The following PRKAR2B variants were observed in gnomAD, a reference collection of about 807,000 sequenced individuals.
PRKAR2B encodes the protein protein kinase cAMP-dependent type II regulatory subunit beta.
Under a neutral mutation model 49.9 loss-of-function variants are expected in PRKAR2B, and 14 were observed. The observed-to-expected ratio is 0.28, with a 90% CI of 0.19 to 0.44. PRKAR2B has a LOEUF of 0.44. Among genes scored for constraint, PRKAR2B ranks in the 20% least tolerant of loss-of-function variants. The pLI is 1.00. For missense variants in PRKAR2B, 393 were observed against 537.9 expected, an observed-to-expected ratio of 0.73 and a Z score of 2.67; for synonymous variants, 196 against 197.7, an observed-to-expected ratio of 0.99 and a Z score of 0.07.
At chr7:107,060,910 T>C (rs1030406783) in intron 1 of PRKAR2B, among the ~76,000 whole-genome samples, 3 of 152,196 alleles carry the variant, frequency 2.0e-5, no homozygotes, top group African/African-American at 4.8e-5. Context: ...CTTTAAGGCT[T>C]TAATCTATAA....
intron 2 of PRKAR2B, among the ~76,000 whole-genome samples, chr7:107,100,025 C>A (rs895446092): frequency 1.3e-5 from 2 of 151,836 alleles, no homozygotes; most frequent in Non-Finnish European, 2.9e-5. Context: ...GATATTAATC[C>A]CTTGTCAGAT....
At chr7:107,056,165 A>G (rs1165621001) in intron 1 of PRKAR2B, among the ~76,000 whole-genome samples, 23 of 152,038 alleles carry the variant, frequency 1.5e-4, no homozygotes, top group Admixed American at 1.5e-3. Context: ...GTTCTGTTCC[A>G]TTGGTCTGTA....
chr7:107,153,173 GT>G lies in PRKAR2B; in HGVS notation c.844-3del, dbSNP rs1370013966. 3.1e-6 allele frequency: 5 copies of G among 1,600,554 alleles called. No homozygotes were observed. On this transcript the variant is annotated splice_region_variant and splice_polypyrimidine_tract_variant and intron_variant, in intron 7 of 10. Transcript: ENST00000265717. The stretch of plus-strand genomic sequence containing the variant: ...TATTTAATATTGTTTTTCTTTCTTT[GT>G]AGTTTTCTGAACGCCTGAAAGTAGT...
intron 2 of PRKAR2B, among the ~76,000 whole-genome samples, chr7:107,107,109 G>T (rs1017563449): frequency 6.6e-6 from 1 of 152,164 alleles, no homozygotes; most frequent in Non-Finnish European, 1.5e-5. Context: ...GGCCGAGGTG[G>T]GTGGATCACC....
chr7:107,149,382 C>T (rs1038317623), intron 6 of PRKAR2B, among the ~76,000 whole-genome samples: 13 of 152,076 alleles, frequency 8.5e-5, no homozygotes, highest in Non-Finnish European at 1.8e-4. Flanking sequence ...GCTTAAGCAG[C>T]ATACATTTAT....
chr7:107,103,972 C>T (rs908389638), intron 2 of PRKAR2B, among the ~76,000 whole-genome samples: 1 of 152,202 alleles, frequency 6.6e-6, no homozygotes, highest in African/African-American at 2.4e-5. Flanking sequence ...TGAGCCCAAA[C>T]CTGGGAATCC....
intron 2 of PRKAR2B, among the ~76,000 whole-genome samples, chr7:107,106,618 A>G (rs1795078569): frequency 6.6e-6 from 1 of 152,152 alleles, no homozygotes; most frequent in Non-Finnish European, 1.5e-5. Flanking sequence ...CAAGGGATGC[A>G]GGTTTGATTT....
chr7:107,141,573 T>C (rs1795791172), intron 5 of PRKAR2B, among the ~76,000 whole-genome samples: 1 of 152,060 alleles, frequency 6.6e-6, no homozygotes, highest in Non-Finnish European at 1.5e-5. Flanking sequence ...ACACCTGTAA[T>C]CCCAGCTACT....
chr7:107,127,414 G>A (rs965208354), intron 3 of PRKAR2B, among the ~76,000 whole-genome samples: 10 of 152,358 alleles, frequency 6.6e-5, no homozygotes, highest in Admixed American at 5.9e-4. Flanking sequence ...TTTGGTCCAA[G>A]TCAGTTGAGC....
intron 1 of PRKAR2B, among the ~76,000 whole-genome samples, chr7:107,057,681 A>G (rs1793942291): frequency 1.3e-5 from 2 of 152,168 alleles, no homozygotes; most frequent in South Asian, 2.1e-4. Flanking sequence ...TGAAATGGGA[A>G]TAAAGATAGT....
Position 107,044,882 on chromosome 7 carries a change from C to G in PRKAR2B, c.-26C>G. The G allele has an allele frequency of 6.4e-7, 1 of 1,567,280 alleles. No individual in the cohort carries two copies. The highest frequency in any genetic ancestry group is 8.6e-7 in the Non-Finnish European group (1 of 1,161,208). The stretch of plus-strand genomic sequence containing the variant: ...CCGGGGAGGGGGCGAGGGCGGCGCC[C>G]AGGCGCCTGCCGCCCCGGAGGCAGG... On this transcript the variant is annotated 5_prime_UTR_variant, in exon 1 of 11. Transcript: ENST00000265717.
intron 1 of PRKAR2B, among the ~76,000 whole-genome samples, chr7:107,054,124 C>T (rs954392898): frequency 2.6e-5 from 4 of 151,946 alleles, no homozygotes; most frequent in Non-Finnish European, 5.9e-5. Flanking sequence ...CCGAGGCGGG[C>T]GAATCATGAG....
chr7:107,154,862 T>C (rs536610859), intron 8 of PRKAR2B, among the ~76,000 whole-genome samples: 15 of 152,342 alleles, frequency 9.8e-5, no homozygotes, highest in African/African-American at 3.4e-4. Flanking sequence ...ACTTTTCTTT[T>C]AGAAGTCCTT....
chr7:107,044,956 A>T lies in PRKAR2B; in HGVS notation c.49A>T (p.Thr17Ser). Residue 17 changes from threonine (T) to serine (S), a missense_variant, in exon 1 of 11, where the codon ACG becomes TCG. Coordinates refer to ENST00000265717, the MANE Select transcript of PRKAR2B (RefSeq NM_002736.3). ...AGLTELLQGF[T>S]VEVLRHQPAD... ...ACTGACGGAGCTGCTGCAGGGCTTC[A>T]CGGTGGAGGTGCTGAGGCACCAGCC... 19 of 1,595,960 alleles carry T rather than the reference A, an allele frequency of 1.2e-5. No homozygotes were observed. The highest frequency in any genetic ancestry group is 1.6e-5 in the Non-Finnish European group (19 of 1,173,710).
intron 2 of PRKAR2B, among the ~76,000 whole-genome samples, chr7:107,105,806 A>G (rs943080328): frequency 1.3e-5 from 2 of 152,194 alleles, no homozygotes; most frequent in Admixed American, 1.3e-4. Context: ...TGGGCATTCC[A>G]GACACTGATC....
At chr7:107,141,422 G>A (rs1424798304) in intron 5 of PRKAR2B, among the ~76,000 whole-genome samples, 5 of 152,092 alleles carry the variant, frequency 3.3e-5, no homozygotes, top group African/African-American at 4.8e-5. Context: ...GGAGTGTGGC[G>A]GCTCAGGCCT....
At chr7:107,072,420 T>TGCTAA (rs1175613758) in intron 2 of PRKAR2B, among the ~76,000 whole-genome samples, 1 of 152,160 alleles carries the variant, frequency 6.6e-6, no homozygotes, top group African/African-American at 2.4e-5. Context: ...TCAGGCACTG[T>TGCTAA]GCTAAGCATT....
chr7:107,100,585 C>G (rs1018738512), intron 2 of PRKAR2B, among the ~76,000 whole-genome samples: 1 of 152,120 alleles, frequency 6.6e-6, no homozygotes, highest in Non-Finnish European at 1.5e-5. Flanking sequence ...TTCTTTGCTT[C>G]TCTCTCTGTT....
At chr7:107,052,193 C>A (rs776807768) in intron 1 of PRKAR2B, among the ~76,000 whole-genome samples, 1 of 152,068 alleles carries the variant, frequency 6.6e-6, no homozygotes, top group Admixed American at 6.5e-5. Flanking sequence ...CCGATGCGGG[C>A]GGATCACCTG....
Sources: gnomAD v4.1 joint callset for allele counts (sites outside exome capture counted in the v4.1 genomes callset) on GRCh38, gnomAD v4.1.1 for gene constraint, MANE v1.5 for transcripts, NCBI Gene and HGNC (gene_info 2026-07-23, HGNC 2026-07-21) for gene names.